ZNF684: variants seen among roughly 807,000 people sequenced by gnomAD.
ZNF684 encodes zinc finger protein 684, also known as hypothetical protein MGC27466.
Under a neutral mutation model 12.8 loss-of-function variants are expected in ZNF684, and 13 were observed. The ratio of observed to expected loss-of-function variants is 1.02; its 90% confidence interval spans 0.66 to 1.62. The LOEUF (loss-of-function observed/expected upper bound fraction) is 1.62. Among genes scored for constraint, ZNF684 ranks in the 40% most tolerant of loss-of-function variants. ZNF684 has a pLI of 0.00. For missense variants in ZNF684, 384 were observed against 446.9 expected (o/e 0.86, Z 1.27); for synonymous variants, 118 against 151.8 (o/e 0.78, Z 1.64).
At chr1:40,533,350 G>A (rs1232328611) in intron 2 of ZNF684, among the ~76,000 whole-genome samples, 169 bp downstream of exon 2, 3 of 152,190 alleles carry the variant, frequency 2.0e-5, no homozygotes, top group African/African-American at 7.2e-5. Context: ...CAGATGGTTG[G>A]AACAAATTTG....
rs1646062349 is a variant in ZNF684, at chr1:40,548,166, A to T, written c.*706A>T. The T allele has an allele frequency of 6.6e-6, 1 of 152,252 alleles. No individual in the cohort carries two copies. The highest frequency in any genetic ancestry group is 2.4e-5 in the African/African-American group (1 of 41,460). The allele number at this position is 152,252 out of a possible 1,614,324, so 9.4% of individuals were successfully genotyped here. Reference sequence around the variant, plus strand: ...ATGTAAATAAATAATTTGCACTTCAAATATTTCTGTTTTGCTTTTTCATTG... The same window carrying T: ...ATGTAAATAAATAATTTGCACTTCATATATTTCTGTTTTGCTTTTTCATTG... On this transcript the variant is annotated 3_prime_UTR_variant, in exon 5 of 5. Transcript: ENST00000372699.
At chr1:40,533,691 C>T (rs914969246) in intron 2 of ZNF684, among the ~76,000 whole-genome samples, 8 of 152,136 alleles carry the variant, frequency 5.3e-5, no homozygotes, top group African/African-American at 1.7e-4. Context: ...TTAATGCCCA[C>T]CTGGATCCAT....
intron 2 of ZNF684, among the ~76,000 whole-genome samples, chr1:40,533,825 T>A (rs963061968): frequency 3.3e-5 from 3 of 90,172 alleles, no homozygotes; most frequent in Non-Finnish European, 7.5e-5. Flanking sequence ...TAGGTATTCT[T>A]TTTTTTTTTT....
chr1:40,546,300 C>A (rs754711111), intron 4 of ZNF684, among the ~76,000 whole-genome samples: 1 of 152,198 alleles, frequency 6.6e-6, no homozygotes, highest in Non-Finnish European at 1.5e-5. Flanking sequence ...GCTAACCCTG[C>A]ACCCTCGTTG....
chr1:40,532,061 T>C, intron 1 of ZNF684, among the ~76,000 whole-genome samples: 1 of 152,170 alleles, frequency 6.6e-6, no homozygotes, highest in East Asian at 1.9e-4. Context: ...TTCATCTAAC[T>C]GTACCTTTCC....
intron 4 of ZNF684, among the ~76,000 whole-genome samples, chr1:40,545,353 T>C (rs932580598): frequency 2.0e-5 from 3 of 152,110 alleles, no homozygotes; most frequent in Admixed American, 6.5e-5. Flanking sequence ...ATTTGGGATT[T>C]ATAGTGTTTT....
intron 2 of ZNF684, 151 bp downstream of exon 2, chr1:40,533,332 A>G: frequency 2.6e-6 from 2 of 776,956 alleles, no homozygotes; most frequent in Non-Finnish European, 4.1e-6. Flanking sequence ...TTCAAGTCAT[A>G]GGGTTTGCAG....
chr1:40,533,823 C>CTTTTTTTTT (rs574077502), intron 2 of ZNF684, among the ~76,000 whole-genome samples: 2 of 123,922 alleles, frequency 1.6e-5, no homozygotes, highest in African/African-American at 3.1e-5. Context: ...GTTAGGTATT[C>CTTTTTTTTT]TTTTTTTTTT....
intron 2 of ZNF684, among the ~76,000 whole-genome samples, chr1:40,534,505 T>C (rs1437390217): frequency 1.3e-5 from 2 of 151,794 alleles, no homozygotes; most frequent in Non-Finnish European, 2.9e-5. Flanking sequence ...CCTCCCAAAG[T>C]GCTGGGATTA....
rs149124737 is a variant in ZNF684, at chr1:40,546,861, A to T, written c.538A>T (p.Asn180Tyr). The change falls in exon 5 of 5, where the codon AAT becomes TAT. Residue 180 changes from asparagine to tyrosine, a missense_variant. Coordinates refer to ENST00000372699, the MANE Select transcript of ZNF684 (RefSeq NM_152373.4). Reference protein sequence around the residue: ...KKFHFIRHEKNHTRKKPFECN... With the variant: ...KKFHFIRHEKYHTRKKPFECN... The stretch of plus-strand genomic sequence containing the variant: ...GTTTCATTTCATTAGACATGAAAAA[A>T]ATCATACAAGGAAAAAACCTTTTGA... 1.9e-6 allele frequency: 3 copies of T among 1,613,234 alleles called. No homozygotes were observed. The highest frequency in any genetic ancestry group is 4.5e-5 in the East Asian group (2 of 44,904).
rs1021254271 is a variant in ZNF684, at chr1:40,533,027, G to C, written c.-24-116G>C. The C allele has an allele frequency of 4.2e-6, 3 of 709,846 alleles. No individual in the cohort carries two copies. The African/African-American group carries it at 5.4e-5, about 13-fold the overall frequency. 44.0% of individuals were successfully genotyped at this position (709,846 alleles called of 1,614,324 possible). On this transcript the variant is annotated intron_variant, in intron 1 of 4. Coordinates refer to ENST00000372699, the MANE Select transcript of ZNF684 (RefSeq NM_152373.4). Reference sequence around the variant, plus strand: ...AAATGTCATTCTCCCCCACTAGGTGGCATTTTCTGAGGCTGCAGTGTGGGT... The same window carrying C: ...AAATGTCATTCTCCCCCACTAGGTGCCATTTTCTGAGGCTGCAGTGTGGGT...
At position 40,548,099 on chromosome 1, in the gene ZNF684, T is replaced by C. The variant is rs1557615713; in HGVS notation, c.*639T>C. On this transcript the variant is annotated 3_prime_UTR_variant, in exon 5 of 5. Coordinates refer to ENST00000372699, the MANE Select transcript of ZNF684 (RefSeq NM_152373.4). ...AGGAGAGAAAGGCACTTGTATTCTGTATTACAGTAAGTATTCAGTTGAGGA... is the reference window on the plus strand; with the variant it reads ...AGGAGAGAAAGGCACTTGTATTCTGCATTACAGTAAGTATTCAGTTGAGGA... 1 of 152,250 alleles carries C rather than the reference T, an allele frequency of 6.6e-6. No individual in the cohort carries two copies. Among genetic ancestry groups the C allele is most frequent in the Non-Finnish European group, 1.5e-5 (1 of 68,032 alleles). 9.4% of individuals were successfully genotyped at this position (152,250 alleles called of 1,614,324 possible).
chr1:40,532,195 T>C (rs760877214), intron 1 of ZNF684, among the ~76,000 whole-genome samples: 12 of 152,164 alleles, frequency 7.9e-5, no homozygotes, highest in Non-Finnish European at 1.8e-4. Context: ...GAGAAACTGC[T>C]ATGGATTAGA....
In ZNF684 at chr1:40,548,090, T is replaced by G. The variant is rs1381587851; in HGVS notation, c.*630T>G. 2 of 152,226 alleles carry G rather than the reference T, an allele frequency of 1.3e-5. No homozygotes were observed. Among genetic ancestry groups the G allele is most frequent in the African/African-American group, 4.8e-5 (2 of 41,452 alleles). The allele number at this position is 152,226 out of a possible 1,614,324, so 9.4% of individuals were successfully genotyped here. ...CACTAATTGAGGAGAGAAAGGCACTTGTATTCTGTATTACAGTAAGTATTC... is the reference window on the plus strand; with the variant it reads ...CACTAATTGAGGAGAGAAAGGCACTGGTATTCTGTATTACAGTAAGTATTC... On this transcript the variant is annotated 3_prime_UTR_variant, in exon 5 of 5. Transcript: ENST00000372699.
chr1:40,539,311 G>A (rs1646002027), intron 2 of ZNF684, among the ~76,000 whole-genome samples: 1 of 152,080 alleles, frequency 6.6e-6, no homozygotes, highest in African/African-American at 2.4e-5. Context: ...TTACAGGCAT[G>A]AGCCACTGCA....
Position 40,546,645 on chromosome 1 carries a change from A to C in ZNF684, c.322A>C (p.Asn108His). The change falls in exon 5 of 5, where the codon AAT (asparagine) becomes CAT (histidine). Residue 108 changes from asparagine to histidine, a missense_variant. By Grantham distance (68) the Asn-to-His change is moderately conservative. Coordinates refer to ENST00000372699, the MANE Select transcript of ZNF684 (RefSeq NM_152373.4). Reference protein sequence around the residue: ...NFLKSVLLTFNKILTMERIHH... With the variant: ...NFLKSVLLTFHKILTMERIHH... ...TTTGAAGTCAGTTTTGCTCACATTC[A>C]ATAAAATTCTGACTATGGAGAGAAT... 6.2e-7 allele frequency: 1 copy of C among 1,601,576 alleles called. No homozygotes were observed.
intron 4 of ZNF684, chr1:40,544,452 A>C (rs1646032891): frequency 2.5e-6 from 1 of 400,872 alleles, no homozygotes; most frequent in South Asian, 1.7e-5. Flanking sequence ...CTCGGGTTCA[A>C]GTGATTCTCC....
chr1:40,545,909 C>CCTTTT (rs1646043989), intron 4 of ZNF684, among the ~76,000 whole-genome samples: 1 of 109,866 alleles, frequency 9.1e-6, no homozygotes, highest in South Asian at 2.9e-4. Flanking sequence ...GCCTTTGTCT[C>CCTTTT]CTTTTCTTTT....
At chr1:40,535,676 T>G (rs1645980042) in intron 2 of ZNF684, among the ~76,000 whole-genome samples, 1 of 152,142 alleles carries the variant, frequency 6.6e-6, no homozygotes. Context: ...TTTGGCCTCA[T>G]ACCCTTTTTT....
Sources: gnomAD v4.1 joint callset for allele counts (sites outside exome capture counted in the v4.1 genomes callset) on GRCh38, gnomAD v4.1.1 for gene constraint, MANE v1.5 for transcripts, NCBI Gene and HGNC (gene_info 2026-07-23, HGNC 2026-07-21) for gene names.